The following C3orf49 variants were observed in gnomAD, a reference collection of about 807,000 sequenced individuals.
C3orf49 encodes chromosome 3 open reading frame 49, also known as putative uncharacterized protein C3orf49.
Under a neutral mutation model 13.3 loss-of-function variants are expected in C3orf49, and 27 were observed. The observed-to-expected ratio is 2.02, with a 90% confidence interval of 1.49 to 2.79. C3orf49 has a LOEUF of 2.79. Ranked by LOEUF, C3orf49 falls within the 30% of genes most tolerant of loss-of-function variation. The pLI, the probability that C3orf49 is intolerant of heterozygous loss-of-function variation, is 0.00. For missense variants in C3orf49, 242 were observed against 134.2 expected (o/e 1.80, Z -3.97); for synonymous variants, 87 against 47.6 (o/e 1.83, Z -3.40).
chr3:63,826,950 GA>G (rs796107357), intron 2 of C3orf49: 25 of 143,284 alleles, frequency 1.7e-4, no homozygotes, highest in East Asian at 4.1e-4. Flanking sequence ...CTCCATCTCA[GA>G]AAAAAAAAAA....
At chr3:63,837,473 C>T (rs1701659086) in intron 5 of C3orf49, among the ~76,000 whole-genome samples, 1 of 152,002 alleles carries the variant, frequency 6.6e-6, no homozygotes, top group South Asian at 2.1e-4. Flanking sequence ...TATAACAAAA[C>T]TCAACTTTAA....
chr3:63,802,091 C>T, the C3orf49 span, among the ~76,000 whole-genome samples: 1 of 152,170 alleles, frequency 6.6e-6, no homozygotes, highest in Non-Finnish European at 1.5e-5. Flanking sequence ...TTCATTTTCC[C>T]AACCTGCCTA....
At chr3:63,793,615 C>T in the C3orf49 span, among the ~76,000 whole-genome samples, 1 of 151,560 alleles carries the variant, frequency 6.6e-6, no homozygotes, top group South Asian at 2.1e-4. Context: ...AAGAAAATAT[C>T]CACTGCCACT....
At chr3:63,839,843 T>C in intron 5 of C3orf49, 1 of 1,238,426 alleles carries the variant, frequency 8.1e-7, no homozygotes, top group Non-Finnish European at 1.2e-6. Context: ...CCAGTATCAC[T>C]GTTCATTTGT....
At chr3:63,830,924 C>A (rs1701524057) in intron 3 of C3orf49, among the ~76,000 whole-genome samples, 186 bp from the exon 4 acceptor site, 1 of 152,126 alleles carries the variant, frequency 6.6e-6, no homozygotes, top group Non-Finnish European at 1.5e-5. Context: ...AAAGAGAGCT[C>A]TGGGCACAAA....
At chr3:63,814,247 C>T in the C3orf49 span, among the ~76,000 whole-genome samples, 1 of 152,136 alleles carries the variant, frequency 6.6e-6, no homozygotes, top group African/African-American at 2.4e-5. Context: ...TGGTGACCCA[C>T]AGGCTAAATA....
Position 63,831,165 on chromosome 3 carries a change from G to A in C3orf49, c.626G>A (p.Arg209His), listed in dbSNP as rs765302572. Residue 209 changes from arginine to histidine, a missense_variant, in exon 4 of 7, where the codon CGT (arginine) becomes CAT (histidine). By Grantham distance (29) the Arg-to-His change is conservative. Transcript: ENST00000295896. Reference sequence around the variant, plus strand: ...TTTCCAGCACTTAAAAAAAAGAAGCGTGGCATGGAAAACATCCTTCGAAAA... The same window carrying A: ...TTTCCAGCACTTAAAAAAAAGAAGCATGGCATGGAAAACATCCTTCGAAAA... ...PHFPALKKKK[R>H]GMENILRKSD... The A allele has an allele frequency of 1.6e-5, 11 of 702,998 alleles. No homozygotes were observed. The highest frequency in any genetic ancestry group is 4.0e-5 in the Admixed American group (2 of 49,998). 43.5% of individuals were successfully genotyped at this position (702,998 alleles called of 1,614,324 possible). A position where few individuals can be genotyped will look rare whatever the true frequency, so the allele number is the denominator to read the frequency against.
At chr3:63,798,717 A>G in the C3orf49 span, among the ~76,000 whole-genome samples, 3 of 152,064 alleles carry the variant, frequency 2.0e-5, no homozygotes, top group East Asian at 1.9e-4. Flanking sequence ...CTGTGTCACA[A>G]TGATGTATGT....
At chr3:63,786,949 A>T in the C3orf49 span, among the ~76,000 whole-genome samples, 1 of 152,312 alleles carries the variant, frequency 6.6e-6, no homozygotes, top group South Asian at 2.1e-4. Flanking sequence ...GACCAGAAAA[A>T]TCCAGGGCAA....
At chr3:63,802,206 C>T in the C3orf49 span, among the ~76,000 whole-genome samples, 9 of 152,138 alleles carry the variant, frequency 5.9e-5, no homozygotes, top group African/African-American at 2.2e-4. Context: ...AATCAGTTCA[C>T]TTCAAGCTTT....
intron 3 of C3orf49, among the ~76,000 whole-genome samples, chr3:63,828,486 G>C (rs1250102356): frequency 6.6e-6 from 1 of 152,106 alleles, no homozygotes; most frequent in African/African-American, 2.4e-5. Context: ...TTTTAGTAGA[G>C]ACAGCGTTTC....
chr3:63,828,598 C>T (rs1701495288), intron 3 of C3orf49, among the ~76,000 whole-genome samples: 1 of 152,112 alleles, frequency 6.6e-6, no homozygotes, highest in Non-Finnish European at 1.5e-5. Context: ...CCGTTACTGG[C>T]CATGTATGTA....
the C3orf49 span, chr3:63,782,781 T>C: frequency 3.3e-5 from 5 of 152,112 alleles, no homozygotes; most frequent in African/African-American, 1.2e-4. Flanking sequence ...CCATACACAA[T>C]AAAAAGGCAA....
chr3:63,834,008 A>T, intron 5 of C3orf49: 1 of 828,756 alleles, frequency 1.2e-6, no homozygotes, highest in Non-Finnish European at 1.9e-6. Context: ...AAATACATTC[A>T]TACTTAAAAA....
the C3orf49 span, chr3:63,783,098 A>G: frequency 3.9e-5 from 6 of 152,098 alleles, no homozygotes; most frequent in Non-Finnish European, 7.4e-5. Flanking sequence ...AACTCTCCCA[A>G]TTTGCCCAGG....
At chr3:63,807,218 T>TG in the C3orf49 span, among the ~76,000 whole-genome samples, 6 of 152,206 alleles carry the variant, frequency 3.9e-5, no homozygotes, top group Non-Finnish European at 7.3e-5. Flanking sequence ...CCCAAAGTGT[T>TG]GGGATTACAG....
At chr3:63,783,729 A>AAATTAATTAATTAATTAATT in the C3orf49 span, among the ~76,000 whole-genome samples, 2 of 148,522 alleles carry the variant, frequency 1.3e-5, no homozygotes, top group Non-Finnish European at 2.9e-5. Context: ...AAAAAAAATT[A>AAATTAATTAATTAATTAATT]AATTAATTAA....
In C3orf49 at chr3:63,836,157, G is replaced by C. The variant is rs183271091; in HGVS notation, c.849+4313G>C. On this transcript the variant is annotated intron_variant, in intron 5 of 6. Transcript: ENST00000295896. ...GGTTAGAGGAAAATAAAATCTAACA[G>C]AGAAGTATGGGAAAATATAATATTG... is the stretch of plus-strand genomic sequence containing the variant. The C allele has an allele frequency of 6.4e-5, 43 of 674,496 alleles. No individual in the cohort carries two copies. In the East Asian group the frequency reaches 1.1e-3, roughly 18 times the overall value. 41.8% of individuals were successfully genotyped at this position (674,496 alleles called of 1,614,324 possible).
chr3:63,828,658 CTATTAT>C (rs899082949), intron 3 of C3orf49, among the ~76,000 whole-genome samples: 11 of 152,018 alleles, frequency 7.2e-5, no homozygotes, highest in Non-Finnish European at 4.4e-5. Flanking sequence ...GAACCATGAA[CTATTAT>C]TATTATTATT....
Sources: gnomAD v4.1 joint callset for allele counts (sites outside exome capture counted in the v4.1 genomes callset) on GRCh38, gnomAD v4.1.1 for gene constraint, MANE v1.5 for transcripts, NCBI Gene and HGNC (gene_info 2026-07-23, HGNC 2026-07-21) for gene names.